The following GPC6 variants were observed in gnomAD, a reference collection of about 807,000 sequenced individuals.
The protein encoded by GPC6 is glypican-6.
GPC6 carries 14 observed loss-of-function variants against 55.2 expected under a neutral mutation model. The ratio of observed to expected loss-of-function variants is 0.25; its 90% CI spans 0.17 to 0.40. GPC6 has a LOEUF of 0.40. Among genes scored for constraint, GPC6 ranks in the 10% least tolerant of loss-of-function variants. The probability of loss-of-function intolerance (pLI) is 1.00; values close to 1 mark genes in which losing one functional copy is unlikely to be tolerated. For synonymous variants in GPC6, 278 were observed against 259.6 expected (o/e 1.07, Z -0.68); for missense variants, 641 against 708.5 (o/e 0.90, Z 1.08).
chr13:93,569,805 A>C (rs1241878729), intron 2 of GPC6, among the ~76,000 whole-genome samples: 2 of 152,096 alleles, frequency 1.3e-5, no homozygotes, highest in East Asian at 3.9e-4. Flanking sequence ...AATATAGGTG[A>C]TAAAGTTACC....
At position 94,369,953 on chromosome 13, in the gene GPC6, G is replaced by A. The variant is rs540975874; in HGVS notation, c.1153-12461G>A. 5.9e-5 allele frequency among the ~76,000 whole-genome samples: 9 copies of A among 152,246 alleles called. No homozygotes were observed. In the South Asian group the frequency reaches 8.3e-4, roughly 14 times the overall value. On this transcript the variant is annotated intron_variant, in intron 6 of 8. Coordinates refer to ENST00000377047, the MANE Select transcript of GPC6 (RefSeq NM_005708.5). ...TAGCAGATCATCAGCAATGCTGTTC[G>A]TGTATTTATTCATTTGACAAATATT...
intron 2 of GPC6, among the ~76,000 whole-genome samples, chr13:93,650,341 T>G (rs1384032024): frequency 1.3e-5 from 2 of 152,180 alleles, no homozygotes; most frequent in Non-Finnish European, 1.5e-5. Context: ...TGAAAGGAAC[T>G]GGGTTTCAGA....
In GPC6 at chr13:94,288,831, G is replaced by GTTATATATAATAAATATATATATATTTA. The variant is rs1874715478; in HGVS notation, c.1008+2362_1008+2363insTAAATATATATATATTTATTATATATAA. ...TTATATATAATAAATATATATATTT[G>GTTATATATAATAAATATATATATATTTA]TTATATATAACAAATATATATAATA... On this transcript the variant is annotated intron_variant, in intron 5 of 8. Coordinates refer to ENST00000377047, the MANE Select transcript of GPC6 (RefSeq NM_005708.5). 9.5e-5 allele frequency among the ~76,000 whole-genome samples: 7 copies of GTTATATATAATAAATATATATATATTTA among 73,914 alleles called. No individual in the cohort carries two copies. The South Asian group carries it at 2.7e-3, about 28-fold the overall frequency. The allele number at this position is 73,914 out of a possible 152,430, so 48.5% of individuals were successfully genotyped here. A position where few individuals can be genotyped will look rare whatever the true frequency, so the allele number is the denominator to read the frequency against.
chr13:94,388,432 C>T (rs1297617842), intron 7 of GPC6, among the ~76,000 whole-genome samples: 2 of 152,208 alleles, frequency 1.3e-5, no homozygotes, highest in Non-Finnish European at 2.9e-5. Flanking sequence ...GCATAGGCTT[C>T]ACATGTGCAT....
In GPC6 at chr13:94,127,257, G is replaced by T. The variant is rs536356933; in HGVS notation, c.877+99363G>T. On this transcript the variant is annotated intron_variant, in intron 4 of 8. Transcript: ENST00000377047. ...CCCTGCCCAAATCTCATGTTGAATT[G>T]TAATCCCCAATGCTGGAGGTGGGGC... Among the ~76,000 whole-genome samples, 10 of 152,208 alleles carry T rather than the reference G, an allele frequency of 6.6e-5. No homozygotes were observed. In the East Asian group the frequency reaches 1.6e-3, roughly 24 times the overall value.
In GPC6 at chr13:93,344,519, G is replaced by A. The variant is rs74755019; in HGVS notation, c.160+116903G>A. Among the ~76,000 whole-genome samples, 124 of 152,152 alleles carry A rather than the reference G, an allele frequency of 8.1e-4. 1 individual carries two copies. The highest frequency in any genetic ancestry group is 3.5e-3 in the South Asian group (17 of 4,812). On this transcript the variant is annotated intron_variant, in intron 1 of 8. Transcript: ENST00000377047. ...TTTCATCAATAAAGTAGGCTACATC[G>A]TTTCTGAGCCCCATTTCCTCCTCTA...
chr13:94,251,953 G>A (rs1397166965), intron 4 of GPC6, among the ~76,000 whole-genome samples: 1 of 152,104 alleles, frequency 6.6e-6, no homozygotes, highest in African/African-American at 2.4e-5. Context: ...TAATCTCAAG[G>A]ACACATTCTT....
At chr13:93,863,104 AATGCT>A (rs1422791528) in intron 3 of GPC6, among the ~76,000 whole-genome samples, 1 of 151,664 alleles carries the variant, frequency 6.6e-6, no homozygotes, top group Non-Finnish European at 1.5e-5. Context: ...ACAAATACCC[AATGCT>A]ACAAGGCTGA....
chr13:93,991,914 C>T (rs1439166046), intron 3 of GPC6, among the ~76,000 whole-genome samples: 1 of 152,038 alleles, frequency 6.6e-6, no homozygotes, highest in Non-Finnish European at 1.5e-5. Context: ...TAAAAACATT[C>T]TCTCTGTACA....
intron 4 of GPC6, among the ~76,000 whole-genome samples, chr13:94,148,957 C>CG (rs1887647621): frequency 6.9e-6 from 1 of 144,686 alleles, no homozygotes; most frequent in Non-Finnish European, 1.6e-5. Context: ...ATGCCTAACA[C>CG]ACATACACAC....
intron 4 of GPC6, among the ~76,000 whole-genome samples, chr13:94,076,394 T>C (rs1884915963): frequency 6.6e-6 from 1 of 151,874 alleles, no homozygotes; most frequent in Admixed American, 6.6e-5. Flanking sequence ...ATCTATATCA[T>C]ATAAAAGGTT....
intron 1 of GPC6, among the ~76,000 whole-genome samples, chr13:93,509,623 A>G (rs1880870405): frequency 6.6e-6 from 1 of 152,234 alleles, no homozygotes; most frequent in African/African-American, 2.4e-5. Flanking sequence ...AAATGTTAAT[A>G]TCTGTGGACA....
intron 5 of GPC6, among the ~76,000 whole-genome samples, chr13:94,303,729 T>C (rs923153162): frequency 1.3e-5 from 2 of 150,150 alleles, no homozygotes; most frequent in Admixed American, 6.6e-5. Flanking sequence ...CTAGGCTATA[T>C]TGACTAACCT....
intron 1 of GPC6, among the ~76,000 whole-genome samples, chr13:93,291,936 G>A (rs966480187): frequency 3.3e-5 from 5 of 151,990 alleles, no homozygotes. Flanking sequence ...AATTTTCAGT[G>A]TTACATACAA....
At chr13:93,338,312 C>T (rs1019266774) in intron 1 of GPC6, among the ~76,000 whole-genome samples, 1 of 152,144 alleles carries the variant, frequency 6.6e-6, no homozygotes, top group African/African-American at 2.4e-5. Flanking sequence ...ATTTATTCCA[C>T]AAGATTCACA....
intron 5 of GPC6, among the ~76,000 whole-genome samples, chr13:94,296,767 T>G (rs1029055650): frequency 7.9e-5 from 12 of 152,218 alleles, no homozygotes; most frequent in Non-Finnish European, 1.6e-4. Context: ...ACTACCAACA[T>G]AATGTCACTG....
intron 1 of GPC6, among the ~76,000 whole-genome samples, chr13:93,434,216 C>T (rs1337969313): frequency 1.3e-5 from 2 of 152,154 alleles, no homozygotes; most frequent in South Asian, 2.1e-4. Flanking sequence ...CATAATGGCA[C>T]AGAACAGATC....
At position 94,268,575 on chromosome 13, in the gene GPC6, G is replaced by A. The variant is rs535817968; in HGVS notation, c.878-17774G>A. 2.0e-5 allele frequency among the ~76,000 whole-genome samples: 3 copies of A among 152,290 alleles called. No individual in the cohort carries two copies. The South Asian group carries it at 6.2e-4, about 32-fold the overall frequency. ...TGAAAGCAGGTGAGGACACAGATAG[G>A]AAGGCACTGTAAATCAATTGTTGGA... is the stretch of plus-strand genomic sequence containing the variant. On this transcript the variant is annotated intron_variant, in intron 4 of 8. Transcript: ENST00000377047.
At chr13:93,273,617 C>A (rs1246327049) in intron 1 of GPC6, among the ~76,000 whole-genome samples, 1 of 152,010 alleles carries the variant, frequency 6.6e-6, no homozygotes, top group Non-Finnish European at 1.5e-5. Context: ...GAGATTGCGC[C>A]ACTGCACTCC....
Sources: allele counts gnomAD v4.1 joint callset (sites outside exome capture counted in the v4.1 genomes callset), GRCh38; gene constraint gnomAD v4.1.1; transcripts MANE v1.5; gene names NCBI Gene and HGNC (gene_info 2026-07-23, HGNC 2026-07-21).